The following GPSM2 variants were observed in gnomAD, a reference collection of about 807,000 sequenced individuals.
GPSM2 encodes the protein G protein signaling modulator 2, also known as G protein-signaling modulator 2.
In GPSM2, 58 loss-of-function variants were observed where a neutral mutation model predicts 78.4. The observed-to-expected ratio is 0.74, with a 90% CI of 0.60 to 0.92. The LOEUF is 0.92. GPSM2 is among the 40% of genes least tolerant of loss of function. The pLI, the probability that GPSM2 is intolerant of heterozygous loss-of-function variation, is 0.00. For missense variants in GPSM2, 700 were observed against 815.5 expected, an observed-to-expected ratio of 0.86 and a Z score of 1.73; for synonymous variants, 224 against 280.2, an observed-to-expected ratio of 0.80 and a Z score of 2.00.
At chr1:108,917,476 A>G (rs1487752194) in intron 11 of GPSM2, among the ~76,000 whole-genome samples, 1 of 150,766 alleles carries the variant, frequency 6.6e-6, no homozygotes, top group Non-Finnish European at 1.5e-5. Flanking sequence ...CTGAGGCAGG[A>G]GAATCATTTG....
chr1:108,898,099 T>G lies in GPSM2; in HGVS notation c.555T>G (p.Tyr185Ter). The change falls in exon 5 of 15, where the codon TAT (tyrosine) becomes TAG (stop). Residue 185 changes from tyrosine to a stop codon, truncating the protein, a stop_gained and splice_region_variant. Coordinates refer to ENST00000264126, the MANE Select transcript of GPSM2 (RefSeq NM_013296.5). LOFTEE classifies it high-confidence loss of function. The part of the protein sequence containing the change: ...RDALQAAVDF[Y>*]EENLSLVTAL... ...CTCTGCAGGCAGCCGTGGATTTTTATGAGTGAGTAGGGGCTGATATGGGCA... is the reference window on the plus strand; with the variant it reads ...CTCTGCAGGCAGCCGTGGATTTTTAGGAGTGAGTAGGGGCTGATATGGGCA... 1 of 1,613,898 alleles carries G rather than the reference T, an allele frequency of 6.2e-7. No homozygotes were observed. Among genetic ancestry groups the G allele is most frequent in the Non-Finnish European group, 8.5e-7 (1 of 1,179,796 alleles).
chr1:108,880,648 T>TTATGTA (rs1435449714), intron 1 of GPSM2, among the ~76,000 whole-genome samples: 1 of 152,088 alleles, frequency 6.6e-6, no homozygotes, highest in Non-Finnish European at 1.5e-5. Context: ...AGCTTTAAAA[T>TTATGTA]TATGTATATG....
chr1:108,929,847 A>C lies in GPSM2; in HGVS notation c.1962A>C (p.Gln654His). The C allele has an allele frequency of 6.2e-7, 1 of 1,614,088 alleles. No homozygotes were observed. The change falls in exon 15 of 15, where the codon CAA (glutamine) becomes CAC (histidine). Residue 654 changes from glutamine to histidine, a missense_variant. Coordinates refer to ENST00000264126, the MANE Select transcript of GPSM2 (RefSeq NM_013296.5). The stretch of plus-strand genomic sequence containing the variant: ...AGAGAGTTCTTTTACAAAGAGATCA[A>C]AACAGAGACACTGACTTTGGGCTAA... ...DEQRVLLQRD[Q>H]NRDTDFGLKD...
intron 1 of GPSM2, among the ~76,000 whole-genome samples, chr1:108,880,026 A>G (rs1447517507): frequency 6.6e-6 from 1 of 152,042 alleles, no homozygotes; most frequent in East Asian, 1.9e-4. Flanking sequence ...CATTTGGCTA[A>G]TAAGATCTAC....
At position 108,930,104 on chromosome 1, in the gene GPSM2, T is replaced by C. The variant is rs1221010329; in HGVS notation, c.*164T>C. 3.0e-6 allele frequency: 2 copies of C among 666,826 alleles called. No individual in the cohort carries two copies. Among genetic ancestry groups the C allele is most frequent in the East Asian group, 2.7e-5 (1 of 36,724 alleles). 41.3% of individuals were successfully genotyped at this position (666,826 alleles called of 1,614,324 possible). A position where few individuals can be genotyped will look rare whatever the true frequency, so the allele number is the denominator to read the frequency against. On this transcript the variant is annotated 3_prime_UTR_variant, in exon 15 of 15. Coordinates refer to ENST00000264126, the MANE Select transcript of GPSM2 (RefSeq NM_013296.5). ...GTCTATTAAGGCATTAATACTTCTC[T>C]GGACATGCGCGTTTGAGGGTGGAGG... is the stretch of plus-strand genomic sequence containing the variant.
In GPSM2 at chr1:108,931,589, A is replaced by T; in HGVS notation, c.*1649A>T. The T allele has an allele frequency of 5.6e-6, 8 of 1,419,276 alleles. 1 individual carries two copies. In the South Asian group the frequency reaches 1.2e-4, roughly 22 times the overall value. The allele number at this position is 1,419,276 out of a possible 1,614,324, so 87.9% of individuals were successfully genotyped here. ...TTTCTCTAATGGCCAATGTTTTTTA[A>T]GAGTCATAACCTGGAATTAATTACA... On this transcript the variant is annotated 3_prime_UTR_variant, in exon 15 of 15. Transcript: ENST00000264126.
At chr1:108,904,452 A>G (rs1485302468) in intron 10 of GPSM2, among the ~76,000 whole-genome samples, 198 bp downstream of exon 10, 1 of 148,282 alleles carries the variant, frequency 6.7e-6, no homozygotes, top group African/African-American at 2.4e-5. Flanking sequence ...ATATAATTAT[A>G]ATATATAATT....
At position 108,897,594 on chromosome 1, in the gene GPSM2, A is replaced by C. The variant is rs1161886006; in HGVS notation, c.381A>C (p.Arg127=). The change falls in exon 4 of 15, where the codon CGA becomes CGC. Residue 127 remains arginine (R), a synonymous_variant. Coordinates refer to ENST00000264126, the MANE Select transcript of GPSM2 (RefSeq NM_013296.5). ...NFDEAIVCCQ[R]HLDISRELND... is the part of the protein sequence containing the mutation. The stretch of plus-strand genomic sequence containing the variant: ...ACGAAGCCATAGTTTGTTGTCAGCG[A>C]CACCTAGATATTTCCAGAGAGCTTA... 1 of 1,613,814 alleles carries C rather than the reference A, an allele frequency of 6.2e-7. No individual in the cohort carries two copies. The highest frequency in any genetic ancestry group is 2.2e-5 in the East Asian group (1 of 44,868).
rs916696887 is a variant in GPSM2 at position 108,889,640 on chromosome 1, A to G, written c.56+4062A>G. Among the ~76,000 whole-genome samples the G allele has an allele frequency of 1.2e-4, 18 of 152,326 alleles. No homozygotes were observed. In the South Asian group the frequency reaches 2.1e-3, roughly 18 times the overall value. On this transcript the variant is annotated intron_variant, in intron 2 of 14. Coordinates refer to ENST00000264126, the MANE Select transcript of GPSM2 (RefSeq NM_013296.5). Reference sequence around the variant, plus strand: ...ATTAGATGGGGAGGAAAGTCTTTGAAGAGGAACCTTTACTTTACTTTTTAC... The same window carrying G: ...ATTAGATGGGGAGGAAAGTCTTTGAGGAGGAACCTTTACTTTACTTTTTAC...
intron 11 of GPSM2, among the ~76,000 whole-genome samples, chr1:108,915,082 T>C (rs1465230753): frequency 2.6e-5 from 4 of 152,092 alleles, no homozygotes; most frequent in Non-Finnish European, 5.9e-5. Context: ...ATTGTCAAAA[T>C]AGGCTCTCGG....
At chr1:108,885,882 T>C (rs187466544) in intron 2 of GPSM2, among the ~76,000 whole-genome samples, 1 of 152,342 alleles carries the variant, frequency 6.6e-6, no homozygotes, top group East Asian at 1.9e-4. Flanking sequence ...TCTTTGGGGC[T>C]AAAAGGTGGA....
intron 14 of GPSM2, among the ~76,000 whole-genome samples, chr1:108,927,989 T>C (rs1651263711): frequency 6.6e-6 from 1 of 152,098 alleles, no homozygotes; most frequent in Admixed American, 6.5e-5. Context: ...GAAAGCCTCA[T>C]GGCATTGGGT....
At chr1:108,920,824 G>A (rs1285205280) in intron 12 of GPSM2, among the ~76,000 whole-genome samples, 2 of 152,140 alleles carry the variant, frequency 1.3e-5, no homozygotes, top group African/African-American at 2.4e-5. Flanking sequence ...AGCTCACTTA[G>A]CTCAACTGAA....
At chr1:108,910,117 T>A (rs758373863) in intron 10 of GPSM2, 7 of 152,098 alleles carry the variant, frequency 4.6e-5, no homozygotes, top group Non-Finnish European at 8.8e-5. Context: ...GAGGGCATAA[T>A]AAATATGCAG....
At chr1:108,901,235 T>C (rs1041772994) in intron 7 of GPSM2, among the ~76,000 whole-genome samples, 2 of 152,222 alleles carry the variant, frequency 1.3e-5, no homozygotes, top group African/African-American at 4.8e-5. Context: ...CGCTAGCTTC[T>C]CACTGGCAAT....
At chr1:108,913,106 G>C (rs1326603570) in intron 10 of GPSM2, among the ~76,000 whole-genome samples, 1 of 152,062 alleles carries the variant, frequency 6.6e-6, no homozygotes, top group Non-Finnish European at 1.5e-5. Flanking sequence ...GATAGAAATT[G>C]GTATACCCTG....
chr1:108,885,660 A>T, intron 2 of GPSM2, 82 bp downstream of exon 2: 1 of 851,050 alleles, frequency 1.2e-6, no homozygotes, highest in South Asian at 1.4e-5. Context: ...TTCAAGTTTC[A>T]GTTGAAAATA....
intron 12 of GPSM2, among the ~76,000 whole-genome samples, chr1:108,919,704 CAAAA>C (rs1321723548): frequency 3.3e-5 from 5 of 150,108 alleles, no homozygotes; most frequent in African/African-American, 4.9e-5. Flanking sequence ...GACCCTGTCT[CAAAA>C]AAAAGAGAAA....
At chr1:108,880,579 C>CAAA (rs56323759) in intron 1 of GPSM2, among the ~76,000 whole-genome samples, 2,629 of 119,908 alleles carry the variant, frequency 0.022, 85 homozygotes, top group African/African-American at 0.08. Context: ...GACTCCGTCT[C>CAAA]AAAAAAAAAA....
Sources: gnomAD v4.1 joint callset for allele counts (sites outside exome capture counted in the v4.1 genomes callset) on GRCh38, gnomAD v4.1.1 for gene constraint, MANE v1.5 for transcripts, NCBI Gene and HGNC (gene_info 2026-07-23, HGNC 2026-07-21) for gene names.